The following PRKDC variants were observed in gnomAD, a reference collection of about 807,000 sequenced individuals.
PRKDC encodes the protein protein kinase, DNA-activated, catalytic subunit, also known as DNA-dependent protein kinase catalytic subunit.
Under a neutral mutation model 486.9 loss-of-function variants are expected in PRKDC, and 82 were observed. The ratio of observed to expected loss-of-function variants is 0.17; its 90% confidence interval spans 0.14 to 0.20. The LOEUF is 0.20. Among genes scored for constraint, PRKDC ranks in the 10% least tolerant of loss-of-function variants. PRKDC has a pLI of 1.00. For missense variants in PRKDC, 4,504 were observed against 5,038.2 expected (o/e 0.89, Z 3.21); for synonymous variants, 1,895 against 1,837.0 (o/e 1.03, Z -0.81).
At chr8:47,857,769 G>A (rs539236021) in intron 48 of PRKDC, among the ~76,000 whole-genome samples, 6 of 152,164 alleles carry the variant, frequency 3.9e-5, no homozygotes, top group Non-Finnish European at 5.9e-5. Context: ...CAGCCCTAGA[G>A]CAGCCTGTCA....
intron 83 of PRKDC, 134 bp downstream of exon 83, chr8:47,778,325 C>T: frequency 2.1e-6 from 2 of 946,320 alleles, no homozygotes; most frequent in Non-Finnish European, 3.1e-6. Context: ...TCCCTTTCTG[C>T]ATTCAATGAC....
intron 40 of PRKDC, among the ~76,000 whole-genome samples, chr8:47,876,757 A>G (rs2089100270): frequency 1.3e-5 from 2 of 152,182 alleles, no homozygotes; most frequent in Admixed American, 6.5e-5. Context: ...AAACAATCCG[A>G]GTGATGAGAC....
chr8:47,917,584 G>GC (rs1217194593), intron 22 of PRKDC, among the ~76,000 whole-genome samples: 1 of 151,854 alleles, frequency 6.6e-6, no homozygotes, highest in African/African-American at 2.4e-5. Flanking sequence ...GAGAAAACTT[G>GC]CCCCAAGGAA....
chr8:47,909,665 G>A (rs1229394708), intron 25 of PRKDC, among the ~76,000 whole-genome samples: 15 of 152,140 alleles, frequency 9.9e-5, no homozygotes, highest in African/African-American at 2.2e-4. Flanking sequence ...GAGAAATATC[G>A]CTGAATTCTT....
intron 74 of PRKDC, among the ~76,000 whole-genome samples, chr8:47,793,513 G>A (rs1008976074): frequency 3.3e-5 from 5 of 151,794 alleles, no homozygotes; most frequent in African/African-American, 1.2e-4. Flanking sequence ...GGTGGCACAC[G>A]CTTGTAATCC....
At position 47,778,463 on chromosome 8, in the gene PRKDC, G is replaced by A; in HGVS notation, c.11849C>T (p.Thr3950Ile). Reference sequence around the variant, plus strand: ...ACGAGAGCACAGCAAGTGCACCTGTGTAGCGGATCCAAACGCATGCCCAAA... The same window carrying A: ...ACGAGAGCACAGCAAGTGCACCTGTATAGCGGATCCAAACGCATGCCCAAA... ...IDFGHAFGSA[T>I]QFLPVPELMP... The change falls in exon 83 of 86, where the codon ACA becomes ATA. Residue 3950 changes from threonine (T) to isoleucine (I), a missense_variant. Around this residue, in one of 6 missense-constraint regions of PRKDC, gnomAD observed 706 missense variants for 945.0 expected, o/e 0.75. Coordinates refer to ENST00000314191, the MANE Select transcript of PRKDC (RefSeq NM_006904.7). The A allele has an allele frequency of 6.2e-7, 1 of 1,611,976 alleles. No homozygotes were observed. The highest frequency in any genetic ancestry group is 8.5e-7 in the Non-Finnish European group (1 of 1,179,124).
At chr8:47,888,478 TA>T (rs1377502717) in intron 34 of PRKDC, 39 bp downstream of exon 34, 4 of 1,464,608 alleles carry the variant, frequency 2.7e-6, no homozygotes, top group Non-Finnish European at 3.6e-6. Flanking sequence ...ATTATCATAC[TA>T]AAGCTAAAAT....
chr8:47,794,293 G>C lies in PRKDC; in HGVS notation c.10667C>G (p.Ala3556Gly). The C allele has an allele frequency of 6.2e-7, 1 of 1,608,364 alleles. No individual in the cohort carries two copies. The highest frequency in any genetic ancestry group is 8.5e-7 in the Non-Finnish European group (1 of 1,176,178). ...STGHKNKEFV[A>G]RIKSKLDQGG... The stretch of plus-strand genomic sequence containing the variant: ...TTCCTTCTGTAATATTACCTACCTT[G>C]CCACAAACTCCTTATTCTTATGACC... Residue 3556 changes from alanine (A) to glycine (G), a missense_variant, in exon 74 of 86, where the codon GCA becomes GGA. This residue lies in a region of PRKDC where 706 missense variants were observed against 945.0 expected (regional missense o/e 0.75). Transcript: ENST00000314191.
intron 68 of PRKDC, among the ~76,000 whole-genome samples, chr8:47,808,177 T>C (rs2087254391): frequency 6.6e-6 from 1 of 152,206 alleles, no homozygotes; most frequent in South Asian, 2.1e-4. Context: ...GGTCTTGCTC[T>C]GTTGCCCATG....
chr8:47,865,124 A>T (rs1029184921), intron 40 of PRKDC, among the ~76,000 whole-genome samples: 2 of 152,022 alleles, frequency 1.3e-5, no homozygotes, highest in Non-Finnish European at 1.5e-5. Context: ...GTGGTGGCTC[A>T]CGCCTGTAAT....
intron 74 of PRKDC, among the ~76,000 whole-genome samples, chr8:47,789,879 A>T (rs941703602): frequency 3.3e-5 from 5 of 151,662 alleles, no homozygotes; most frequent in East Asian, 2.0e-4. Flanking sequence ...CCTTCATGAT[A>T]AAAAAAACTC....
intron 21 of PRKDC, among the ~76,000 whole-genome samples, chr8:47,923,380 C>T (rs1193495695): frequency 6.6e-6 from 1 of 152,150 alleles, no homozygotes; most frequent in African/African-American, 2.4e-5. Flanking sequence ...TCTGCCAAGA[C>T]AGCAAAGATT....
intron 49 of PRKDC, among the ~76,000 whole-genome samples, chr8:47,856,510 GT>G (rs1563769459): frequency 1.1e-4 from 17 of 152,184 alleles, no homozygotes. Flanking sequence ...GATTACAGGT[GT>G]GAGCCATCAT....
At chr8:47,953,532 T>G (rs2090658155) in intron 7 of PRKDC, 88 bp downstream of exon 7, 9 of 1,222,032 alleles carry the variant, frequency 7.4e-6, no homozygotes, top group Non-Finnish European at 1.1e-5. Context: ...AAATTCAGGA[T>G]TGGTTAAGAG....
intron 54 of PRKDC, among the ~76,000 whole-genome samples, chr8:47,842,525 T>G (rs1344003623): frequency 6.6e-6 from 1 of 152,058 alleles, no homozygotes; most frequent in African/African-American, 2.4e-5. Flanking sequence ...GCCAGTTGAC[T>G]ATACTCAGCA....
intron 54 of PRKDC, among the ~76,000 whole-genome samples, chr8:47,840,764 T>C (rs1339596850): frequency 1.3e-5 from 2 of 152,242 alleles, no homozygotes; most frequent in African/African-American, 2.4e-5. Flanking sequence ...GAATGCTTCA[T>C]ACAGTAGATA....
Position 47,885,797 on chromosome 8 carries a change from CAGG to C in PRKDC, c.4776+144_4776+146del, listed in dbSNP as rs969307344. 1.2e-4 allele frequency: 86 copies of C among 725,300 alleles called. No homozygotes were observed. In the African/African-American group the frequency reaches 1.3e-3, roughly 11 times the overall value. 44.9% of individuals were successfully genotyped at this position (725,300 alleles called of 1,614,324 possible). ...ATCCCAGCTACTCGGGAGGCTGAGGCAGGAGAATCGCTTCAATCTGGGATGCAG... is the reference window on the plus strand; with the variant it reads ...ATCCCAGCTACTCGGGAGGCTGAGGCAGAATCGCTTCAATCTGGGATGCAG... On this transcript the variant is annotated intron_variant, in intron 36 of 85. Coordinates refer to ENST00000314191, the MANE Select transcript of PRKDC (RefSeq NM_006904.7).
Position 47,897,223 on chromosome 8 carries a change from G to A in PRKDC, c.3536C>T (p.Pro1179Leu). The A allele has an allele frequency of 6.2e-7, 1 of 1,608,854 alleles. No homozygotes were observed. The highest frequency in any genetic ancestry group is 1.1e-5 in the South Asian group (1 of 90,678). ...VKWLLAHCGR[P>L]QTECRHKSIE... is the part of the protein sequence containing the mutation. ...GGATTTGTGTCGACATTCTGTCTGGGGCCTCCCACAATGAGCTAAAAGCCA... is the reference window on the plus strand; with the variant it reads ...GGATTTGTGTCGACATTCTGTCTGGAGCCTCCCACAATGAGCTAAAAGCCA... The change falls in exon 30 of 86, where the codon CCC becomes CTC. Residue 1179 changes from proline to leucine, a missense_variant. Pro to Leu is a moderately conservative substitution (Grantham distance 98, BLOSUM62 -3). Transcript: ENST00000314191.
rs1226261102 is a variant in PRKDC, at chr8:47,948,459, TG to T, written c.722-4431del. ...TACAGTCTGTATTTCCTGGGTGCCT[TG>T]TTTTTTTTTTTTTTTTGAGACAGAG... is the stretch of plus-strand genomic sequence containing the variant. On this transcript the variant is annotated intron_variant, in intron 7 of 85. Coordinates refer to ENST00000314191, the MANE Select transcript of PRKDC (RefSeq NM_006904.7). Among the ~76,000 whole-genome samples, 4 of 147,204 alleles carry T rather than the reference TG, an allele frequency of 2.7e-5. 1 individual carries two copies. The highest frequency in any genetic ancestry group is 4.3e-4 in the South Asian group (2 of 4,610).
Sources: allele counts gnomAD v4.1 joint callset (sites outside exome capture counted in the v4.1 genomes callset), GRCh38; gene constraint gnomAD v4.1.1; regional missense constraint gnomAD v4.1.1; transcripts MANE v1.5; gene names NCBI Gene and HGNC (gene_info 2026-07-23, HGNC 2026-07-21).